ZNF469: variants seen among roughly 807,000 people sequenced by gnomAD.
ZNF469 encodes the protein zinc finger protein 469.
In ZNF469, 1 loss-of-function variant was observed where a neutral mutation model predicts 1.0. The observed-to-expected ratio is 1.00, with a 90% CI of 0.35 to 4.73. ZNF469 has a LOEUF of 4.73. Ranked by LOEUF, ZNF469 falls within the 30% of genes most tolerant of loss-of-function variation. The pLI is 0.16. For missense variants in ZNF469, 6,100 were observed against 5,356.3 expected (o/e 1.14, Z -4.33); for synonymous variants, 2,703 against 2,363.4 (o/e 1.14, Z -4.17).
chr16:88,302,052 G>A, the ZNF469 span, among the ~76,000 whole-genome samples: 4 of 152,190 alleles, frequency 2.6e-5, no homozygotes, highest in South Asian at 2.1e-4. Context: ...CCTGGCTCAC[G>A]GGCAGTTCGT....
chr16:88,260,964 C>T, the ZNF469 span, among the ~76,000 whole-genome samples: 7 of 152,160 alleles, frequency 4.6e-5, no homozygotes, highest in African/African-American at 7.2e-5. This position sits in a 1 kb window ranked among gnomAD's most constrained non-coding sequence, Gnocchi z 4.1. Context: ...ATGACCAAAA[C>T]GCCTGCAGCC....
the ZNF469 span, among the ~76,000 whole-genome samples, chr16:88,335,394 A>C: frequency 6.6e-6 from 1 of 152,244 alleles, no homozygotes; most frequent in Non-Finnish European, 1.5e-5. Context: ...CTCTGTGGGC[A>C]GCTGGGCTGG....
At position 88,403,080 on chromosome 16, in the gene ZNF469, TAAG is replaced by T. The variant is rs1253194749; in HGVS notation, c.-192+19830_-192+19832del. Reference sequence around the variant, plus strand: ...TTTAACTTTATGGGGCCCAGAAACTTAAGAAGGAGAGGTGTGGGAGGGATCGGG... The same window carrying T: ...TTTAACTTTATGGGGCCCAGAAACTTAAGGAGAGGTGTGGGAGGGATCGGG... On this transcript the variant is annotated intron_variant, in intron 1 of 2. Coordinates refer to ENST00000565624, the MANE Select transcript of ZNF469 (RefSeq NM_001367624.2). Among the ~76,000 whole-genome samples, 13 of 152,166 alleles carry T rather than the reference TAAG, an allele frequency of 8.5e-5. 1 individual carries two copies. The highest frequency in any genetic ancestry group is 2.9e-4 in the African/African-American group (12 of 41,516).
At chr16:88,176,719 C>T in the ZNF469 span, among the ~76,000 whole-genome samples, 432 of 152,370 alleles carry the variant, frequency 2.8e-3, 2 homozygotes, top group African/African-American at 9.6e-3. Flanking sequence ...TGGGTCGGCC[C>T]GTGGCCTGCC....
chr16:88,272,687 C>T, the ZNF469 span, among the ~76,000 whole-genome samples: 7 of 148,716 alleles, frequency 4.7e-5, no homozygotes, highest in African/African-American at 1.5e-4. Flanking sequence ...TATGGATAGA[C>T]GAGTGGACGG....
At position 88,435,660 on chromosome 16, in the gene ZNF469, G is replaced by A; in HGVS notation, c.8190G>A (p.Leu2730=). The A allele has an allele frequency of 1.3e-6, 2 of 1,550,530 alleles. No homozygotes were observed. Among genetic ancestry groups the A allele is most frequent in the East Asian group, 2.4e-5 (1 of 40,924 alleles). Residue 2730 remains leucine, a synonymous_variant, in exon 3 of 3, where the codon CTG becomes CTA. Coordinates refer to ENST00000565624, the MANE Select transcript of ZNF469 (RefSeq NM_001367624.2). ...GAQKPPGDRM[L]CPGRMDGAAL... ...AGAAGCCACCTGGAGATCGGATGCT[G>A]TGTCCAGGGAGGATGGATGGTGCAG...
the ZNF469 span, among the ~76,000 whole-genome samples, chr16:88,132,440 G>A: frequency 6.6e-6 from 1 of 152,356 alleles, no homozygotes; most frequent in African/African-American, 2.4e-5. Flanking sequence ...GGCTGGATCT[G>A]TGACTGGCCC....
chr16:88,404,347 C>T (rs972361174), intron 1 of ZNF469, among the ~76,000 whole-genome samples: 8 of 152,196 alleles, frequency 5.3e-5, no homozygotes, highest in South Asian at 4.1e-4. Context: ...TTGAGAGGCC[C>T]GGCAGACTGG....
the ZNF469 span, among the ~76,000 whole-genome samples, chr16:88,182,252 C>T: frequency 6.6e-6 from 1 of 152,018 alleles, no homozygotes; most frequent in East Asian, 1.9e-4. Flanking sequence ...GAGAGATGTA[C>T]CATGTTCATG....
chr16:88,164,474 C>T, the ZNF469 span, among the ~76,000 whole-genome samples: 1 of 150,002 alleles, frequency 6.7e-6, no homozygotes, highest in African/African-American at 2.5e-5. Context: ...GATGGGTGGC[C>T]AGATGCATGA....
the ZNF469 span, among the ~76,000 whole-genome samples, chr16:88,121,389 C>T: frequency 2.4e-4 from 36 of 152,334 alleles, no homozygotes; most frequent in African/African-American, 5.1e-4. Context: ...AAGCCGCTGT[C>T]GCCAGCGCTG....
At chr16:88,229,635 A>ACG in the ZNF469 span, among the ~76,000 whole-genome samples, 49,541 of 142,302 alleles carry the variant, frequency 0.35, 9,031 homozygotes, top group South Asian at 0.43. Context: ...TGTGGATGTC[A>ACG]CGTGTGTGTG....
chr16:88,152,836 C>T, the ZNF469 span, among the ~76,000 whole-genome samples: 2 of 152,146 alleles, frequency 1.3e-5, no homozygotes, highest in East Asian at 1.9e-4. The surrounding 1 kb of genome is among the most constrained non-coding windows in gnomAD (Gnocchi z 4.2). Context: ...TGACACAAAC[C>T]GCTGTCTAAT....
the ZNF469 span, among the ~76,000 whole-genome samples, chr16:88,169,332 C>T: frequency 1.3e-5 from 2 of 152,286 alleles, no homozygotes; most frequent in South Asian, 2.1e-4. This position sits in a 1 kb window ranked among gnomAD's most constrained non-coding sequence, Gnocchi z 6.1. Context: ...AACATGGAAA[C>T]GGAGGTGCAG....
the ZNF469 span, among the ~76,000 whole-genome samples, chr16:88,107,673 G>A: frequency 5.3e-5 from 8 of 152,232 alleles, no homozygotes; most frequent in African/African-American, 1.9e-4. Context: ...TTTTAAGGAA[G>A]AGGCAGAGGA....
chr16:88,360,692 G>T, the ZNF469 span, among the ~76,000 whole-genome samples: 19 of 52,422 alleles, frequency 3.6e-4, no homozygotes, highest in Non-Finnish European at 5.8e-4. Flanking sequence ...CAGCGCCCGC[G>T]TGCTCCCTCA....
the ZNF469 span, among the ~76,000 whole-genome samples, chr16:88,355,120 C>A: frequency 6.6e-6 from 1 of 152,180 alleles, no homozygotes; most frequent in African/African-American, 2.4e-5. Flanking sequence ...GGGCAGAACA[C>A]TGGGCACCTG....
chr16:88,275,153 G>C, the ZNF469 span, among the ~76,000 whole-genome samples: 1 of 152,128 alleles, frequency 6.6e-6, no homozygotes, highest in Non-Finnish European at 1.5e-5. Flanking sequence ...AGTGGAGACG[G>C]GAGCCTGCCG....
chr16:88,233,683 G>T, the ZNF469 span, among the ~76,000 whole-genome samples: 1 of 152,252 alleles, frequency 6.6e-6, no homozygotes. Flanking sequence ...CTCCCACCAG[G>T]GGAAGGCAGA....
Sources: gnomAD v4.1 joint callset for allele counts (sites outside exome capture counted in the v4.1 genomes callset) on GRCh38, gnomAD v4.1.1 for gene constraint, Gnocchi (gnomAD v3.1) non-coding constraint, MANE v1.5 for transcripts, NCBI Gene and HGNC (gene_info 2026-07-23, HGNC 2026-07-21) for gene names.